The following HPD variants were observed in gnomAD, a reference collection of about 807,000 sequenced individuals.
HPD encodes the protein 4-hydroxyphenylpyruvic acid oxidase.
A neutral mutation model predicts 56.9 loss-of-function variants in HPD; 35 were observed. That is an observed-to-expected ratio of 0.62 (90% CI 0.47 to 0.82). HPD has a LOEUF of 0.82. HPD is among the 40% of genes least tolerant of loss of function. The probability of loss-of-function intolerance (pLI) is 0.00; values close to 1 mark genes in which losing one functional copy is unlikely to be tolerated. For synonymous variants in HPD, 186 were observed against 200.2 expected (o/e 0.93, Z 0.60); for missense variants, 442 against 506.8 (o/e 0.87, Z 1.23).
At chr12:121,879,482 G>GTTCTGTTCTCTTCTCTTCTCTTCTC in the HPD span, among the ~76,000 whole-genome samples, 1,813 of 147,994 alleles carry the variant, frequency 0.012, 30 homozygotes, top group East Asian at 0.033. Flanking sequence ...TTTCTCTTCT[G>GTTCTGTTCTCTTCTCTTCTCTTCTC]TTCTCTTCTC....
At chr12:121,867,080 G>A (rs185871362), upstream of HPD, among the ~76,000 whole-genome samples, 3 of 152,166 alleles carry the variant, frequency 2.0e-5, no homozygotes, top group Non-Finnish European at 4.4e-5. Context: ...GCCGGGTGTG[G>A]TGGCTCACGC....
In HPD at chr12:121,839,665, G is replaced by A. The variant is rs1288461942; in HGVS notation, c.*63C>T. ...AAGGGGAGCAGCCAGTAGGGAAGTTGGGCGAGTTCCAGAATCAGGGGGCGT... is the reference window on the plus strand; with the variant it reads ...AAGGGGAGCAGCCAGTAGGGAAGTTAGGCGAGTTCCAGAATCAGGGGGCGT... On this transcript the variant is annotated 3_prime_UTR_variant, in exon 14 of 14. Transcript: ENST00000289004. The A allele has an allele frequency of 4.1e-6, 5 of 1,219,104 alleles. No homozygotes were observed. The East Asian group carries it at 9.3e-5, about 23-fold the overall frequency. 75.5% of individuals were successfully genotyped at this position (1,219,104 alleles called of 1,614,324 possible). A position where few individuals can be genotyped will look rare whatever the true frequency, so the allele number is the denominator to read the frequency against.
At chr12:121,886,957 T>G in the HPD span, among the ~76,000 whole-genome samples, 2 of 152,198 alleles carry the variant, frequency 1.3e-5, no homozygotes, top group African/African-American at 4.8e-5. Context: ...TGGAGTGCAG[T>G]GACATGATCT....
At chr12:121,884,968 A>C in the HPD span, among the ~76,000 whole-genome samples, 1 of 152,038 alleles carries the variant, frequency 6.6e-6, no homozygotes, top group Admixed American at 6.6e-5. Context: ...GGCTCACTAC[A>C]ACCTCCACCT....
intron 7 of HPD, among the ~76,000 whole-genome samples, chr12:121,853,621 C>CA (rs35131803): frequency 0.018 from 981 of 53,168 alleles, 15 homozygotes; most frequent in African/African-American, 0.056. Flanking sequence ...GACTCCATCT[C>CA]AAAAAAAAAA....
At chr12:121,859,873 TG>T (rs1307547105), upstream of HPD, among the ~76,000 whole-genome samples, 1 of 152,140 alleles carries the variant, frequency 6.6e-6, no homozygotes, top group African/African-American at 2.4e-5. Flanking sequence ...AATTTCCAAC[TG>T]GGGGCCGGGG....
At chr12:121,857,260 A>T in intron 4 of HPD, 68 bp downstream of exon 4, 2 of 1,036,012 alleles carry the variant, frequency 1.9e-6, no homozygotes, top group Non-Finnish European at 3.1e-6. Flanking sequence ...TTCTATTTTT[A>T]ATAGAGATGG....
upstream of HPD, among the ~76,000 whole-genome samples, chr12:121,865,145 G>A (rs974445170): frequency 7.2e-5 from 11 of 151,966 alleles, no homozygotes; most frequent in Admixed American, 7.2e-4. Context: ...GCGGGCACCC[G>A]TAGTTTCGGC....
Position 121,858,658 on chromosome 12 carries a change from C to T in HPD, c.30+29G>A, listed in dbSNP as rs754510389. ...TCCGACCCCCTTCTAGACTCAGGCC[C>T]CTACATTTCCCACATTTCGCCTGCT... is the stretch of plus-strand genomic sequence containing the variant. On this transcript the variant is annotated intron_variant, in intron 2 of 13. Transcript: ENST00000289004. 9.9e-6 allele frequency: 16 copies of T among 1,611,712 alleles called. No homozygotes were observed. The East Asian group carries it at 2.9e-4, about 29-fold the overall frequency.
Position 121,858,826 on chromosome 12 carries a change from T to C in HPD, c.-3A>G. ...GAGATGGCCATGGCACTTACCATGA[T>C]TGATCTTAGTCAAACCTCCTACTGG... On this transcript the variant is annotated 5_prime_UTR_variant, in exon 1 of 14. Transcript: ENST00000289004. The C allele has an allele frequency of 6.2e-7, 1 of 1,614,196 alleles. No individual in the cohort carries two copies. Among genetic ancestry groups the C allele is most frequent in the Non-Finnish European group, 8.5e-7 (1 of 1,180,026 alleles).
At chr12:121,863,318 T>C (rs1878233942), upstream of HPD, among the ~76,000 whole-genome samples, 1 of 152,150 alleles carries the variant, frequency 6.6e-6, no homozygotes, top group African/African-American at 2.4e-5. Flanking sequence ...CCTTCCTAAC[T>C]TGTGATTCCT....
intron 12 of HPD, among the ~76,000 whole-genome samples, chr12:121,840,587 A>T (rs1365136943): frequency 6.6e-6 from 1 of 152,014 alleles, no homozygotes; most frequent in Non-Finnish European, 1.5e-5. Flanking sequence ...GGCGTGAGCC[A>T]CCATGACCTG....
chr12:121,875,579 C>A, the HPD span, among the ~76,000 whole-genome samples: 53 of 152,090 alleles, frequency 3.5e-4, no homozygotes, highest in East Asian at 6.0e-3. Context: ...GTATGTGCCA[C>A]CAAGCCCGGC....
upstream of HPD, among the ~76,000 whole-genome samples, chr12:121,865,621 A>C (rs1436062233): frequency 6.6e-6 from 1 of 151,976 alleles, no homozygotes; most frequent in African/African-American, 2.4e-5. Context: ...AAATATTATA[A>C]ACAAAGTAAT....
chr12:121,854,265 ATTT>A (rs1566572986), intron 7 of HPD, among the ~76,000 whole-genome samples: 1 of 152,130 alleles, frequency 6.6e-6, no homozygotes, highest in African/African-American at 2.4e-5. Flanking sequence ...TTAAAAAAAA[ATTT>A]TTTTGAGGAA....
intron 2 of HPD, 140 bp from the exon 3 acceptor site, chr12:121,857,959 T>TG (rs1878067572): frequency 1.4e-6 from 1 of 723,432 alleles, no homozygotes; most frequent in African/African-American, 1.7e-5. Flanking sequence ...CATGCAGCCT[T>TG]GCCAAGCCTC....
rs184180924 is a variant in HPD at position 121,848,301 on chromosome 12, T to A, written c.596+698A>T. ...TGCTGTATTTTCCACTTTTATTTTA[T>A]TTTACTTTATTATTATTATTATTAT... On this transcript the variant is annotated intron_variant, in intron 9 of 13. Coordinates refer to ENST00000289004, the MANE Select transcript of HPD (RefSeq NM_002150.3). Among the ~76,000 whole-genome samples, 4 of 152,190 alleles carry A rather than the reference T, an allele frequency of 2.6e-5. No individual in the cohort carries two copies. The East Asian group carries it at 7.7e-4, about 29-fold the overall frequency.
At chr12:121,859,775 G>A (rs1053496312), upstream of HPD, among the ~76,000 whole-genome samples, 2 of 152,206 alleles carry the variant, frequency 1.3e-5, no homozygotes, top group African/African-American at 2.4e-5. Context: ...CCATTCAGGA[G>A]GCAGGCAAGG....
the HPD span, among the ~76,000 whole-genome samples, chr12:121,883,180 T>TTTG: frequency 6.1e-5 from 7 of 115,374 alleles, no homozygotes; most frequent in Admixed American, 2.9e-4. Flanking sequence ...GGAGCATAAG[T>TTTG]TGTGTGTGTG....
Sources: gnomAD v4.1 joint callset for allele counts (sites outside exome capture counted in the v4.1 genomes callset) on GRCh38, gnomAD v4.1.1 for gene constraint, MANE v1.5 for transcripts, NCBI Gene and HGNC (gene_info 2026-07-23, HGNC 2026-07-21) for gene names.